BCAS1: variants seen among roughly 807,000 people sequenced by gnomAD.
The protein encoded by BCAS1 is breast carcinoma-amplified sequence 1.
BCAS1 carries 46 observed loss-of-function variants against 65.4 expected under a neutral mutation model. That is an observed-to-expected ratio of 0.70 (90% CI 0.55 to 0.90). The LOEUF is 0.90. Ranked by LOEUF, BCAS1 falls within the 40% of genes least tolerant of loss-of-function variation. The pLI, the probability that BCAS1 is intolerant of heterozygous loss-of-function variation, is 0.00. For synonymous variants in BCAS1, 298 were observed against 293.5 expected (o/e 1.02, Z -0.16); for missense variants, 793 against 771.2 (o/e 1.03, Z -0.33).
At chr20:54,024,272 T>G (rs905326116) in intron 4 of BCAS1, among the ~76,000 whole-genome samples, 1 of 152,248 alleles carries the variant, frequency 6.6e-6, no homozygotes, top group Admixed American at 6.5e-5. Flanking sequence ...ACCTTAGTTC[T>G]TTAATTCCAA....
intron 7 of BCAS1, among the ~76,000 whole-genome samples, chr20:53,986,121 A>G (rs1442420497): frequency 6.6e-6 from 1 of 152,174 alleles, no homozygotes; most frequent in African/African-American, 2.4e-5. Context: ...GTGCAGCCCT[A>G]CACTCCACAA....
chr20:54,055,208 C>T (rs1037847804), intron 3 of BCAS1, among the ~76,000 whole-genome samples: 1 of 151,954 alleles, frequency 6.6e-6, no homozygotes, highest in African/African-American at 2.4e-5. Context: ...TGTAAACTGG[C>T]GTAGTCATTA....
chr20:54,021,389 A>G (rs768667305), intron 4 of BCAS1, among the ~76,000 whole-genome samples: 1 of 149,180 alleles, frequency 6.7e-6, no homozygotes, highest in Non-Finnish European at 1.5e-5. Flanking sequence ...GTGCAATAGC[A>G]TTACGTCTAA....
rs74179262 is a variant in BCAS1 at position 54,044,837 on chromosome 20, C to CAAAA, written c.142+13244_142+13247dup. Among the ~76,000 whole-genome samples the CAAAA allele has an allele frequency of 3.3e-3, 439 of 132,776 alleles. 5 individuals are homozygous for CAAAA. Among genetic ancestry groups the CAAAA allele is most frequent in the African/African-American group, 0.011 (412 of 35,846 alleles). The allele number at this position is 132,776 out of a possible 152,430, so 87.1% of individuals were successfully genotyped here. ...TGGGCAGCGGAAGGAGACTCTGTCT[C>CAAAA]AAAAAAAAAAAGAAAAAAAGAAATT... On this transcript the variant is annotated intron_variant, in intron 3 of 12. Transcript: ENST00000688948.
At position 54,028,642 on chromosome 20, in the gene BCAS1, G is replaced by T. The variant is rs747407424; in HGVS notation, c.473C>A (p.Pro158Gln). ...QDTDKTPGHAPAQDKVLSAAR... is the reference protein window; with the variant it reads ...QDTDKTPGHAQAQDKVLSAAR... Reference sequence around the variant, plus strand: ...GGCAGAGAGGACCTTGTCTTGGGCCGGGGCGTGCCCTGGGGTTTTATCTGT... The same window carrying T: ...GGCAGAGAGGACCTTGTCTTGGGCCTGGGCGTGCCCTGGGGTTTTATCTGT... Residue 158 changes from proline to glutamine, a missense_variant, in exon 4 of 13, where the codon CCG (proline) becomes CAG (glutamine). Pro to Gln is a moderately conservative substitution (Grantham distance 76, BLOSUM62 -1). Transcript: ENST00000688948. The T allele has an allele frequency of 3.1e-6, 5 of 1,614,190 alleles. No homozygotes were observed. Among genetic ancestry groups the T allele is most frequent in the East Asian group, 4.5e-5 (2 of 44,878 alleles).
chr20:54,035,374 C>T (rs2091881688), intron 3 of BCAS1, among the ~76,000 whole-genome samples: 1 of 138,048 alleles, frequency 7.2e-6, no homozygotes, highest in African/African-American at 2.7e-5. Context: ...GCACTCCAGC[C>T]TGGGCGACAG....
intron 4 of BCAS1, among the ~76,000 whole-genome samples, chr20:53,999,671 C>T (rs2091008867): frequency 6.6e-6 from 1 of 152,082 alleles, no homozygotes; most frequent in Non-Finnish European, 1.5e-5. Context: ...TGCATCTGGG[C>T]TGAGCTTCTG....
chr20:54,048,014 T>C (rs893115964), intron 3 of BCAS1, among the ~76,000 whole-genome samples: 5 of 152,106 alleles, frequency 3.3e-5, no homozygotes, highest in African/African-American at 1.2e-4. Flanking sequence ...GCATAGAAAG[T>C]TGTGGGTTTT....
chr20:54,010,503 A>G (rs1221478051), intron 4 of BCAS1, among the ~76,000 whole-genome samples: 1 of 152,184 alleles, frequency 6.6e-6, no homozygotes, highest in Non-Finnish European at 1.5e-5. Flanking sequence ...TAATCATACG[A>G]AAATGAAATA....
chr20:53,949,204 GCA>G (rs60877872), intron 12 of BCAS1, among the ~76,000 whole-genome samples: 24,097 of 84,252 alleles, frequency 0.29, 2,027 homozygotes, highest in South Asian at 0.42. Context: ...GCATATATCC[GCA>G]CACACACACA....
At chr20:53,997,816 G>A (rs6022908) in intron 4 of BCAS1, among the ~76,000 whole-genome samples, 19,028 of 151,964 alleles carry the variant, frequency 0.13, 2,585 homozygotes, top group African/African-American at 0.34. Flanking sequence ...GCAGTGGGGA[G>A]CTTGGTCTGG....
chr20:53,955,787 G>GGGTATAAGTAGAA (rs11467186), intron 11 of BCAS1, among the ~76,000 whole-genome samples: 6 of 151,862 alleles, frequency 4.0e-5, no homozygotes, highest in Non-Finnish European at 5.9e-5. Context: ...ACTCCTAGGT[G>GGGTATAAGTAGAA]GGATGTTTCT....
chr20:54,066,338 C>A (rs886954150), intron 1 of BCAS1, among the ~76,000 whole-genome samples: 12 of 152,170 alleles, frequency 7.9e-5, no homozygotes, highest in Non-Finnish European at 1.2e-4. Context: ...TCCCAAAGTG[C>A]TGGGATTACA....
intron 4 of BCAS1, among the ~76,000 whole-genome samples, chr20:54,011,107 A>C (rs2145957206): frequency 6.6e-6 from 1 of 152,286 alleles, no homozygotes; most frequent in East Asian, 1.9e-4. Flanking sequence ...CTTAAACATA[A>C]AACCTCAAAT....
intron 4 of BCAS1, among the ~76,000 whole-genome samples, chr20:54,014,555 C>A (rs1264741771): frequency 2.0e-5 from 3 of 152,164 alleles, no homozygotes; most frequent in African/African-American, 7.2e-5. Context: ...TCTGTGATGC[C>A]TCTACTCCAT....
At position 53,966,978 on chromosome 20, in the gene BCAS1, T is replaced by G. The variant is rs767110390; in HGVS notation, c.1413A>C (p.Glu471Asp). ...CTCTTTTGAGTTTCGCTTCTGTGGG[T>G]TCAGGTGCAGCATCTCCTTCGTTGA... ...VDLNEGDAAPEPTEAKLKREE... is the reference protein window; with the variant it reads ...VDLNEGDAAPDPTEAKLKREE... The change falls in exon 10 of 13, where the codon GAA (glutamate) becomes GAC (aspartate). Residue 471 changes from glutamate (E) to aspartate (D), a missense_variant. Glu to Asp is a conservative substitution (Grantham distance 45, BLOSUM62 2). Transcript: ENST00000688948. 6.2e-7 allele frequency: 1 copy of G among 1,613,468 alleles called. No homozygotes were observed. Among genetic ancestry groups the G allele is most frequent in the Admixed American group, 1.7e-5 (1 of 59,924 alleles).
At chr20:54,025,260 G>A (rs2091646617) in intron 4 of BCAS1, among the ~76,000 whole-genome samples, 1 of 152,108 alleles carries the variant, frequency 6.6e-6, no homozygotes, top group Non-Finnish European at 1.5e-5. Context: ...TTTGCATTAT[G>A]TGATTTTGTG....
intron 3 of BCAS1, among the ~76,000 whole-genome samples, chr20:54,045,626 A>C (rs953120846): frequency 6.6e-6 from 1 of 152,252 alleles, no homozygotes; most frequent in Non-Finnish European, 1.5e-5. Flanking sequence ...TATGCTAAAG[A>C]AAAACAGAAC....
At chr20:54,008,073 T>C (rs762684482) in intron 4 of BCAS1, among the ~76,000 whole-genome samples, 13 of 152,110 alleles carry the variant, frequency 8.5e-5, no homozygotes, top group Non-Finnish European at 1.5e-4. Flanking sequence ...GAAAGGGCAA[T>C]CTGGCAAGAC....
Sources: gnomAD v4.1 joint callset for allele counts (sites outside exome capture counted in the v4.1 genomes callset) on GRCh38, gnomAD v4.1.1 for gene constraint, MANE v1.5 for transcripts, NCBI Gene and HGNC (gene_info 2026-07-23, HGNC 2026-07-21) for gene names.